BCO2: variants seen among roughly 807,000 people sequenced by gnomAD.
The protein encoded by BCO2 is beta-carotene oxygenase 2.
Under a neutral mutation model 65.8 loss-of-function variants are expected in BCO2, and 56 were observed. The ratio of observed to expected loss-of-function variants is 0.85; its 90% confidence interval spans 0.69 to 1.06. The LOEUF (loss-of-function observed/expected upper bound fraction) is 1.06, where lower values mean the gene tolerates loss of function less well. Ranked by LOEUF, BCO2 falls within the 50% of genes least tolerant of loss-of-function variation. The probability of loss-of-function intolerance (pLI) is 0.00; values close to 1 mark genes in which losing one functional copy is unlikely to be tolerated. For missense variants in BCO2, 675 were observed against 698.5 expected, an observed-to-expected ratio of 0.97 and a Z score of 0.38; for synonymous variants, 233 against 242.3, an observed-to-expected ratio of 0.96 and a Z score of 0.36.
intron 2 of BCO2, chr11:112,182,825 A>G (rs1867091541): frequency 3.3e-6 from 2 of 604,932 alleles, no homozygotes. Context: ...CACGTGGTGC[A>G]CATGTACCCT....
chr11:112,213,131 CTTTTTTTTTT>C lies in BCO2; in HGVS notation c.1195-573_1195-564del, dbSNP rs35527541. On this transcript the variant is annotated intron_variant, in intron 8 of 11. Coordinates refer to ENST00000357685, the MANE Select transcript of BCO2 (RefSeq NM_031938.7). ...TGTTTATTTGATGCTAATTAAATAA[CTTTTTTTTTT>C]TTTTTTTTTTTTTTTTTTTGTGACG... 5.3e-3 allele frequency among the ~76,000 whole-genome samples: 336 copies of C among 63,126 alleles called. 1 individual carries two copies. Among genetic ancestry groups the C allele is most frequent in the Non-Finnish European group, 6.6e-3 (255 of 38,744 alleles). The allele number at this position is 63,126 out of a possible 152,430, so 41.4% of individuals were successfully genotyped here.
chr11:112,200,718 G>A lies in BCO2; in HGVS notation c.971G>A (p.Ser324Asn), dbSNP rs148237186. ...IRGKAFSDGI[S>N]WEPQCNTRFH... Reference sequence around the variant, plus strand: ...GGAAAGGCCTTTTCAGATGGGATAAGCTGGGAACCCCAGTGTAATACGCGG... The same window carrying A: ...GGAAAGGCCTTTTCAGATGGGATAAACTGGGAACCCCAGTGTAATACGCGG... The change falls in exon 7 of 12, where the codon AGC (serine) becomes AAC (asparagine). Residue 324 changes from serine to asparagine, a missense_variant. Physicochemically the swap from Ser to Asn is conservative, Grantham distance 46. Transcript: ENST00000357685. The A allele has an allele frequency of 1.9e-4, 302 of 1,614,010 alleles. No homozygotes were observed. Among genetic ancestry groups the A allele is most frequent in the Admixed American group, 9.2e-4 (55 of 59,966 alleles).
chr11:112,216,451 C>T (rs910385406), intron 11 of BCO2, 121 bp downstream of exon 11: 2 of 673,302 alleles, frequency 3.0e-6, no homozygotes, highest in African/African-American at 1.8e-5. Flanking sequence ...CTCTTCCCCT[C>T]CTTACTATTT....
chr11:112,206,249 G>A (rs937816501), intron 8 of BCO2, among the ~76,000 whole-genome samples: 1 of 151,060 alleles, frequency 6.6e-6, no homozygotes, highest in African/African-American at 2.4e-5. Context: ...GGCAGCGGCC[G>A]GGCAGAGGCG....
intron 2 of BCO2, chr11:112,182,049 G>A (rs1383492416): frequency 2.8e-5 from 9 of 321,992 alleles, no homozygotes; most frequent in African/African-American, 8.8e-5. Context: ...CAAAGGATAC[G>A]AACAGATACT....
chr11:112,183,805 T>C (rs1867125397), intron 2 of BCO2, among the ~76,000 whole-genome samples: 2 of 152,222 alleles, frequency 1.3e-5, no homozygotes, highest in Admixed American at 6.5e-5. Flanking sequence ...TAAATTAAAG[T>C]AATATCCAGT....
intron 5 of BCO2, among the ~76,000 whole-genome samples, chr11:112,199,154 A>AGTGTCC: frequency 6.6e-6 from 1 of 151,658 alleles, no homozygotes; most frequent in East Asian, 1.9e-4. Flanking sequence ...TTCTCCTCCC[A>AGTGTCC]GTGTCCATGT....
At chr11:112,175,733 C>A in intron 1 of BCO2, 44 bp downstream of exon 1, 1 of 1,509,578 alleles carries the variant, frequency 6.6e-7, no homozygotes, top group Non-Finnish European at 9.2e-7. Context: ...CCTCTTCTTG[C>A]CAGTCTGCGC....
chr11:112,216,052 C>A, intron 10 of BCO2, 168 bp from the exon 11 acceptor site: 1 of 605,642 alleles, frequency 1.7e-6, no homozygotes. Context: ...CAGCACTTCC[C>A]ACTAGGCCCC....
At position 112,214,929 on chromosome 11, in the gene BCO2, G is replaced by A. The variant is rs1474772109; in HGVS notation, c.1500G>A (p.Val500=). 2 of 1,614,158 alleles carry A rather than the reference G, an allele frequency of 1.2e-6. No homozygotes were observed. Among genetic ancestry groups the A allele is most frequent in the Non-Finnish European group, 8.5e-7 (1 of 1,180,014 alleles). Residue 500 remains valine, a synonymous_variant, in exon 10 of 12, where the codon GTG becomes GTA. Coordinates refer to ENST00000357685, the MANE Select transcript of BCO2 (RefSeq NM_031938.7). ...VGDSLIKVDV[V]NKTLKVWRED... ...ATTCTCTGATCAAGGTTGATGTGGT[G>A]AATAAGACACTGAAGGTGATGAAAA... is the stretch of plus-strand genomic sequence containing the variant.
At chr11:112,215,564 C>G (rs1275080228) in intron 10 of BCO2, 2 of 153,592 alleles carry the variant, frequency 1.3e-5, no homozygotes, top group Non-Finnish European at 2.9e-5. Flanking sequence ...CAAAAATTAG[C>G]TGGGCGTGGT....
At chr11:112,184,428 T>C (rs1867143134) in intron 2 of BCO2, among the ~76,000 whole-genome samples, 1 of 152,110 alleles carries the variant, frequency 6.6e-6, no homozygotes. Flanking sequence ...AATTTTTTTG[T>C]ATTTTTAGTA....
intron 8 of BCO2, among the ~76,000 whole-genome samples, chr11:112,212,157 A>G (rs895573105): frequency 2.6e-5 from 4 of 152,224 alleles, no homozygotes; most frequent in African/African-American, 9.7e-5. Context: ...ATGGGAGGAA[A>G]TGGTGCAGTT....
At chr11:112,182,546 T>G (rs1401982534) in intron 2 of BCO2, among the ~76,000 whole-genome samples, 1 of 152,184 alleles carries the variant, frequency 6.6e-6, no homozygotes, top group Non-Finnish European at 1.5e-5. Context: ...TTCATGTCCT[T>G]TGCAGGGACA....
At chr11:112,175,829 G>A (rs1385336558) in intron 1 of BCO2, 140 bp downstream of exon 1, 8 of 653,192 alleles carry the variant, frequency 1.2e-5, no homozygotes, top group African/African-American at 1.1e-4. Context: ...TAGCAATTCC[G>A]CAGAGTCCTG....
chr11:112,176,037 T>C (rs1866871664), intron 1 of BCO2: 1 of 193,954 alleles, frequency 5.2e-6, no homozygotes, highest in Non-Finnish European at 1.1e-5. Context: ...AATTGTTTGG[T>C]TTCTCTATTT....
At chr11:112,202,770 GCACGGTGGCT>G (rs1488021758) in intron 8 of BCO2, among the ~76,000 whole-genome samples, 1 of 152,146 alleles carries the variant, frequency 6.6e-6, no homozygotes, top group Admixed American at 6.5e-5. Context: ...ATGTGGCTGG[GCACGGTGGCT>G]CACGCTTGTA....
intron 8 of BCO2, among the ~76,000 whole-genome samples, chr11:112,212,531 G>A (rs531903443): frequency 5.9e-5 from 9 of 152,220 alleles, no homozygotes; most frequent in African/African-American, 2.2e-4. Flanking sequence ...TACAGTAAAA[G>A]GATACAAAGC....
At chr11:112,192,178 C>T (rs941234086) in intron 2 of BCO2, among the ~76,000 whole-genome samples, 1 of 152,152 alleles carries the variant, frequency 6.6e-6, no homozygotes, top group African/African-American at 2.4e-5. Context: ...TGGAATCATA[C>T]AGCATTTGTC....
Sources: gnomAD v4.1 joint callset for allele counts (sites outside exome capture counted in the v4.1 genomes callset) on GRCh38, gnomAD v4.1.1 for gene constraint, MANE v1.5 for transcripts, NCBI Gene and HGNC (gene_info 2026-07-23, HGNC 2026-07-21) for gene names.